Variants in COL9A1 observed in about 807,000 individuals in gnomAD.
COL9A1 encodes collagen alpha-1(IX) chain.
Under a neutral mutation model 142.6 loss-of-function variants are expected in COL9A1, and 104 were observed. That is an observed-to-expected ratio of 0.73 (90% CI 0.62 to 0.86). The LOEUF is 0.86. Among genes scored for constraint, COL9A1 ranks in the 40% least tolerant of loss-of-function variants. COL9A1 has a pLI of 0.00. For missense variants in COL9A1, 1,210 were observed against 1,176.6 expected (o/e 1.03, Z -0.42); for synonymous variants, 466 against 396.0 (o/e 1.18, Z -2.10).
intron 37 of COL9A1, among the ~76,000 whole-genome samples, chr6:70,219,410 T>C (rs1026826145): frequency 6.6e-6 from 1 of 152,236 alleles, no homozygotes; most frequent in Non-Finnish European, 1.5e-5. Context: ...GTTTACATAT[T>C]GTCTGTGGCT....
intron 14 of COL9A1, among the ~76,000 whole-genome samples, chr6:70,270,643 T>A (rs1459687811): frequency 6.6e-6 from 1 of 152,356 alleles, no homozygotes; most frequent in South Asian, 2.1e-4. Context: ...ACAAACATTT[T>A]ATCTACTCTG....
intron 4 of COL9A1, among the ~76,000 whole-genome samples, chr6:70,296,477 T>G (rs1403471146): frequency 6.6e-6 from 1 of 152,144 alleles, no homozygotes; most frequent in African/African-American, 2.4e-5. Flanking sequence ...CATATGAAAC[T>G]GTCTACTACA....
At chr6:70,278,671 T>C (rs925785786) in intron 10 of COL9A1, among the ~76,000 whole-genome samples, 1 of 152,216 alleles carries the variant, frequency 6.6e-6, no homozygotes, top group East Asian at 1.9e-4. Context: ...AGTTCAATAA[T>C]TTAAGGCAGC....
In COL9A1 at chr6:70,300,074, C is replaced by G. The variant is rs751573849; in HGVS notation, c.268G>C (p.Gly90Arg). ...GGAATCCTGAAGTCTACATTATTTC[C>G]CAACTTGTAAGCCACCTGCAATGTA... ...SATLQVAYKLGNNVDFRIPTR... is the reference protein window; with the variant it reads ...SATLQVAYKLRNNVDFRIPTR... Residue 90 changes from glycine to arginine, a missense_variant, in exon 4 of 38, where the codon GGA (glycine) becomes CGA (arginine). By Grantham distance (125) the Gly-to-Arg change is moderately radical. Transcript: ENST00000357250. The G allele has an allele frequency of 3.1e-6, 5 of 1,613,734 alleles. No individual in the cohort carries two copies. The highest frequency in any genetic ancestry group is 4.2e-6 in the Non-Finnish European group (5 of 1,179,876).
intron 1 of COL9A1, among the ~76,000 whole-genome samples, chr6:70,302,497 C>T (rs550117851): frequency 2.0e-5 from 3 of 151,980 alleles, no homozygotes; most frequent in African/African-American, 4.8e-5. Context: ...CATAAGCCAC[C>T]GCACCCAGCC....
rs749334211 is a variant in COL9A1 at position 70,272,108 on chromosome 6, ATGGT to A, written c.1066-24_1066-21del. On this transcript the variant is annotated intron_variant, in intron 12 of 37. Coordinates refer to ENST00000357250, the MANE Select transcript of COL9A1 (RefSeq NM_001851.6). ...ACGGCCCTAAAAGAGTACAATAAAA[ATGGT>A]TATAGCTTGAGGTTTATACTTAGTA... 12 of 1,606,776 alleles carry A rather than the reference ATGGT, an allele frequency of 7.5e-6. No homozygotes were observed. The Admixed American group carries it at 8.4e-5, about 11-fold the overall frequency.
At chr6:70,241,722 T>C (rs2127565578) in intron 30 of COL9A1, among the ~76,000 whole-genome samples, 1 of 152,344 alleles carries the variant, frequency 6.6e-6, no homozygotes, top group East Asian at 1.9e-4. Context: ...GAGGGCTAAG[T>C]AGAAAGTGTG....
chr6:70,237,556 T>C (rs1367103418), intron 33 of COL9A1, among the ~76,000 whole-genome samples: 1 of 152,232 alleles, frequency 6.6e-6, no homozygotes, highest in Non-Finnish European at 1.5e-5. Flanking sequence ...TAATACTATA[T>C]GCAAATTTGA....
At chr6:70,260,769 C>A in intron 19 of COL9A1, 59 bp from the exon 20 acceptor site, 1 of 1,556,234 alleles carries the variant, frequency 6.4e-7, no homozygotes, top group Non-Finnish European at 8.8e-7. Context: ...TTTTAAAAAT[C>A]TCATCACAAA....
At chr6:70,219,179 C>T (rs73749904) in intron 37 of COL9A1, among the ~76,000 whole-genome samples, 49 of 152,154 alleles carry the variant, frequency 3.2e-4, no homozygotes, top group African/African-American at 8.7e-4. Flanking sequence ...GATCTAAATC[C>T]GATTTTCATG....
Position 70,234,944 on chromosome 6 carries a change from G to A in COL9A1, c.2113-4C>T, listed in dbSNP as rs1554234147. On this transcript the variant is annotated splice_region_variant and splice_polypyrimidine_tract_variant and intron_variant, in intron 33 of 37. Transcript: ENST00000357250. ...CAGGTTCCCCAGGATTACCTGCCTG[G>A]AACACAATTGCACACTATCAAACCA... The A allele has an allele frequency of 6.2e-7, 1 of 1,614,106 alleles. No individual in the cohort carries two copies. The highest frequency in any genetic ancestry group is 8.5e-7 in the Non-Finnish European group (1 of 1,180,028).
At chr6:70,295,476 T>C (rs9455030) in intron 4 of COL9A1, among the ~76,000 whole-genome samples, 33,293 of 151,310 alleles carry the variant, frequency 0.22, 4,415 homozygotes, top group East Asian at 0.46. Context: ...TTAGTAGAGA[T>C]GGTGTTTCGC....
At chr6:70,229,900 G>A (rs1398796015) in intron 36 of COL9A1, among the ~76,000 whole-genome samples, 1 of 152,148 alleles carries the variant, frequency 6.6e-6, no homozygotes, top group African/African-American at 2.4e-5. Context: ...GTTCTACTGT[G>A]TTCTTCAGAG....
chr6:70,215,192 C>G (rs1768429409), downstream of COL9A1: 1 of 151,970 alleles, frequency 6.6e-6, no homozygotes, highest in South Asian at 2.1e-4. Flanking sequence ...AGGGAAAGAA[C>G]ATTCTTTCAG....
chr6:70,278,886 C>A (rs2127595481), intron 10 of COL9A1, among the ~76,000 whole-genome samples: 1 of 152,224 alleles, frequency 6.6e-6, no homozygotes, highest in East Asian at 1.9e-4. Flanking sequence ...CTTTATGACA[C>A]CATGGTATAA....
intron 5 of COL9A1, among the ~76,000 whole-genome samples, chr6:70,293,414 C>T (rs912723961): frequency 6.6e-6 from 1 of 152,076 alleles, no homozygotes; most frequent in African/African-American, 2.4e-5. Flanking sequence ...CATGTAATTC[C>T]TTACCTTTAT....
chr6:70,286,680 C>T (rs756020903), intron 5 of COL9A1, among the ~76,000 whole-genome samples: 2 of 152,202 alleles, frequency 1.3e-5, no homozygotes, highest in African/African-American at 2.4e-5. Context: ...TGAAAGACCT[C>T]CTCCAAGTGA....
intron 6 of COL9A1, chr6:70,283,298 C>T: frequency 7.4e-7 from 1 of 1,349,674 alleles, no homozygotes; most frequent in East Asian, 2.5e-5. Flanking sequence ...TGACAACAGT[C>T]GCCCTTAACC....
chr6:70,253,042 T>A (rs1158776836), intron 26 of COL9A1, among the ~76,000 whole-genome samples: 1 of 152,226 alleles, frequency 6.6e-6, no homozygotes, highest in Admixed American at 6.5e-5. Context: ...AATATCTTTT[T>A]AGTTTAGCTG....
Sources: allele counts gnomAD v4.1 joint callset (sites outside exome capture counted in the v4.1 genomes callset), GRCh38; gene constraint gnomAD v4.1.1; transcripts MANE v1.5; gene names NCBI Gene and HGNC (gene_info 2026-07-23, HGNC 2026-07-21).